THOC2: variants seen among roughly 807,000 people sequenced by gnomAD.
THOC2 encodes the protein THO complex 2.
A neutral mutation model predicts 128.4 loss-of-function variants in THOC2; 10 were observed. That is an observed-to-expected ratio of 0.08 (90% CI 0.05 to 0.13). THOC2 has a LOEUF of 0.13. THOC2 is among the 10% of genes least tolerant of loss of function. The probability of loss-of-function intolerance (pLI) is 1.00; values close to 1 mark genes in which losing one functional copy is unlikely to be tolerated. For synonymous variants in THOC2, 393 were observed against 396.9 expected, an observed-to-expected ratio of 0.99 and a Z score of 0.12; for missense variants, 535 against 1,155.7, an observed-to-expected ratio of 0.46 and a Z score of 7.79.
intron 7 of THOC2, among the ~76,000 whole-genome samples, chrX:123,688,769 T>A (rs886427624): frequency 9.0e-6 from 1 of 111,499 alleles, no homozygotes; most frequent in Non-Finnish European, 1.9e-5. Flanking sequence ...AAATTGCACA[T>A]CTTAAATATG....
At chrX:123,698,409 G>T (rs1255723452) in intron 4 of THOC2, among the ~76,000 whole-genome samples, 1 of 101,538 alleles carries the variant, frequency 9.8e-6, no homozygotes, top group African/African-American at 3.7e-5. Flanking sequence ...AGTGAGCCGA[G>T]ATCGTGCCAC....
intron 12 of THOC2, among the ~76,000 whole-genome samples, chrX:123,652,716 A>G (rs748554724): frequency 9.9e-5 from 11 of 111,642 alleles, no homozygotes; most frequent in African/African-American, 3.3e-4. Flanking sequence ...ACAGCTTATA[A>G]GGGATGTGAA....
chrX:123,638,750 ACTCT>A (rs1190063571), intron 17 of THOC2, among the ~76,000 whole-genome samples, 180 bp downstream of exon 17: 33 of 99,194 alleles, frequency 3.3e-4, no homozygotes, highest in South Asian at 9.0e-4. Context: ...ACACACACAC[ACTCT>A]CTCTCTCTCT....
chrX:123,672,807 A>ATAAC (rs200922418), intron 8 of THOC2, among the ~76,000 whole-genome samples: 2,009 of 112,342 alleles, frequency 0.018, 23 homozygotes, highest in Non-Finnish European at 0.027. Context: ...ATAACTGGCA[A>ATAAC]TAACTAACTG....
chrX:123,628,888 C>A (rs2047365445), intron 22 of THOC2, among the ~76,000 whole-genome samples: 1 of 109,504 alleles, frequency 9.1e-6, no homozygotes, highest in Admixed American at 9.8e-5. Context: ...AAACCAGGAC[C>A]AACTGGTTAC....
chrX:123,660,656 C>A lies in THOC2; in HGVS notation c.1386+4986G>T, dbSNP rs184724363. ...TGTTTCTTGAGCAGGCACTAGCTAA[C>A]ATGAATCATCCTTTTCAGACAATAA... On this transcript the variant is annotated intron_variant, in intron 12 of 38. Coordinates refer to ENST00000245838, the MANE Select transcript of THOC2 (RefSeq NM_001081550.2). Among the ~76,000 whole-genome samples the A allele has an allele frequency of 2.2e-3, 246 of 112,256 alleles. 1 individual carries two copies. The highest frequency in any genetic ancestry group is 7.6e-3 in the African/African-American group (236 of 30,946).
At chrX:123,727,716 A>C (rs967212103) in intron 1 of THOC2, among the ~76,000 whole-genome samples, 1 of 112,259 alleles carries the variant, frequency 8.9e-6, no homozygotes, top group Non-Finnish European at 1.9e-5. Context: ...AGCTGGGATT[A>C]CAGGTGTGTG....
At chrX:123,623,623 A>C (rs1264272731) in intron 28 of THOC2, 164 bp downstream of exon 28, 1 of 1,120,466 alleles carries the variant, frequency 8.9e-7, no homozygotes, top group Middle Eastern at 2.4e-4. Flanking sequence ...GAAGTTGATA[A>C]TCAGAAGTGG....
At chrX:123,679,022 T>C (rs1047202734) in intron 8 of THOC2, among the ~76,000 whole-genome samples, 1 of 110,826 alleles carries the variant, frequency 9.0e-6, no homozygotes, top group African/African-American at 3.3e-5. Context: ...AGAACACCGC[T>C]CCAAATAATT....
chrX:123,725,052 G>A (rs1264892667), intron 1 of THOC2, among the ~76,000 whole-genome samples: 2 of 111,686 alleles, frequency 1.8e-5, no homozygotes, highest in African/African-American at 3.3e-5. Context: ...AGCCATGATC[G>A]CACCACTGCA....
At chrX:123,619,252 AAT>A (rs2047002145) in intron 33 of THOC2, 147 bp downstream of exon 33, 1 of 336,137 alleles carries the variant, frequency 3.0e-6, no homozygotes, top group East Asian at 4.4e-5. Flanking sequence ...TTTAACATTT[AAT>A]ATTTTTGAAG....
At chrX:123,675,523 C>G (rs1047871368) in intron 8 of THOC2, among the ~76,000 whole-genome samples, 1 of 109,743 alleles carries the variant, frequency 9.1e-6, no homozygotes, top group African/African-American at 3.3e-5. Flanking sequence ...CACCTGTAGT[C>G]CCAGCTGTAC....
chrX:123,685,737 G>A (rs1207552145), intron 8 of THOC2, among the ~76,000 whole-genome samples: 1 of 111,673 alleles, frequency 9.0e-6, no homozygotes, highest in Non-Finnish European at 1.9e-5. Flanking sequence ...GTCTCTTTAA[G>A]AAAGCAACAA....
rs2047006512 is a variant in THOC2, at chrX:123,619,424, C to T, written c.4288G>A (p.Glu1430Lys). The change falls in exon 33 of 39, where the codon GAA (glutamate) becomes AAA (lysine). Residue 1430 changes from glutamate (E) to lysine (K), a missense_variant. Coordinates refer to ENST00000245838, the MANE Select transcript of THOC2 (RefSeq NM_001081550.2). ...ACCTTTGCTGAAGATTCCTTGAGTT[C>T]GATGAGACTGTCCTGTAGAAAATGA... ...HSSTVKDSLI[E>K]LKESSAKLYI... 8.3e-7 allele frequency: 1 copy of T among 1,199,173 alleles called. No homozygotes were observed.
chrX:123,671,840 A>C lies in THOC2; in HGVS notation c.769-79T>G, dbSNP rs186618441. 1,798 of 528,167 alleles carry C rather than the reference A, an allele frequency of 3.4e-3. 4 individuals are homozygous for C. Among genetic ancestry groups the C allele is most frequent in the Admixed American group, 5.5e-3 (157 of 28,513 alleles). The allele number at this position is 528,167 out of a possible 1,213,427, so 43.5% of individuals were successfully genotyped here. A position where few individuals can be genotyped will look rare whatever the true frequency, so the allele number is the denominator to read the frequency against. On this transcript the variant is annotated intron_variant, in intron 8 of 38. Transcript: ENST00000245838. ...AATATCCTTCACCTACCAATAACTA[A>C]GAACAATTAGATCAAATACTCTAGG...
chrX:123,606,855 C>A (rs561515018), intron 38 of THOC2, among the ~76,000 whole-genome samples: 2 of 111,218 alleles, frequency 1.8e-5, no homozygotes, highest in Admixed American at 9.5e-5. Context: ...CAAAGTCCTA[C>A]ATCCAAAATA....
intron 2 of THOC2, among the ~76,000 whole-genome samples, chrX:123,711,691 G>A (rs1418397897): frequency 1.8e-5 from 2 of 110,575 alleles, no homozygotes; most frequent in African/African-American, 6.6e-5. Context: ...GCTGAGGCAG[G>A]AGAATCGTTT....
intron 12 of THOC2, among the ~76,000 whole-genome samples, chrX:123,662,361 C>G (rs1413423337): frequency 9.1e-6 from 1 of 110,261 alleles, no homozygotes; most frequent in African/African-American, 3.3e-5. Context: ...CCGAGGTGGG[C>G]AGATCACGAG....
intron 8 of THOC2, among the ~76,000 whole-genome samples, chrX:123,680,351 T>C (rs2049712389): frequency 9.0e-6 from 1 of 111,483 alleles, no homozygotes; most frequent in Admixed American, 9.5e-5. Context: ...ACCTTGTTTA[T>C]GATGCAGAGA....
Sources: allele counts gnomAD v4.1 joint callset (sites outside exome capture counted in the v4.1 genomes callset), GRCh38; gene constraint gnomAD v4.1.1; transcripts MANE v1.5; gene names NCBI Gene and HGNC (gene_info 2026-07-23, HGNC 2026-07-21).